TSC22D3: variants seen among roughly 807,000 people sequenced by gnomAD.
TSC22D3 encodes TSC22 domain family protein 3.
TSC22D3 carries 4 observed loss-of-function variants against 11.1 expected under a neutral mutation model. The observed-to-expected ratio is 0.36, with a 90% CI of 0.18 to 0.83. The LOEUF (loss-of-function observed/expected upper bound fraction) is 0.83, where lower values mean the gene tolerates loss of function less well. Ranked by LOEUF, TSC22D3 falls within the 40% of genes least tolerant of loss-of-function variation. The probability of loss-of-function intolerance (pLI) is 0.48; values close to 1 mark genes in which losing one functional copy is unlikely to be tolerated. For missense variants in TSC22D3, 118 were observed against 159.4 expected (o/e 0.74, Z 1.40); for synonymous variants, 77 against 70.3 (o/e 1.10, Z -0.48).
intron 1 of TSC22D3, among the ~76,000 whole-genome samples, chrX:107,757,155 G>C (rs1009676134): frequency 8.9e-6 from 1 of 112,742 alleles, no homozygotes; most frequent in Middle Eastern, 4.2e-3. Flanking sequence ...GATTGCCTTC[G>C]AGCTGAGGCA....
intron 1 of TSC22D3, among the ~76,000 whole-genome samples, chrX:107,719,356 C>T (rs1456842927): frequency 1.8e-5 from 2 of 112,269 alleles, no homozygotes; most frequent in Admixed American, 9.4e-5. Context: ...CACCTGATCT[C>T]GTCTGAGTTG....
intron 1 of TSC22D3, chrX:107,716,227 T>G: frequency 1.1e-6 from 1 of 876,503 alleles, no homozygotes. Context: ...CAGGCCACCG[T>G]GGCCTGCTCG....
At chrX:107,774,891 C>A in intron 1 of TSC22D3, 1 of 448,700 alleles carries the variant, frequency 2.2e-6, no homozygotes, top group East Asian at 3.8e-5. Context: ...CCTTTGCAGG[C>A]AGCTTTCAGA....
intron 1 of TSC22D3, among the ~76,000 whole-genome samples, chrX:107,734,182 T>G (rs1269135403): frequency 8.9e-6 from 1 of 112,013 alleles, no homozygotes; most frequent in African/African-American, 3.2e-5. Flanking sequence ...AACCTGGGCT[T>G]CCCTTCCCAG....
intron 1 of TSC22D3, among the ~76,000 whole-genome samples, chrX:107,736,995 T>C (rs1928169780): frequency 8.9e-6 from 1 of 112,138 alleles, no homozygotes; most frequent in African/African-American, 3.2e-5. Flanking sequence ...TTAACTGTCC[T>C]CTCAATGGAA....
intron 1 of TSC22D3, among the ~76,000 whole-genome samples, chrX:107,759,885 G>C (rs1413968952): frequency 8.9e-6 from 1 of 112,754 alleles, no homozygotes; most frequent in Non-Finnish European, 1.9e-5. Context: ...GGGCCAGCCT[G>C]GGCTGGCTCG....
At chrX:107,744,505 TA>T (rs1325581672) in intron 1 of TSC22D3, among the ~76,000 whole-genome samples, 1 of 111,315 alleles carries the variant, frequency 9.0e-6, no homozygotes, top group Non-Finnish European at 1.9e-5. Flanking sequence ...AATTTAAATT[TA>T]AATTAAAAAA....
intron 1 of TSC22D3, among the ~76,000 whole-genome samples, chrX:107,723,888 C>G (rs927382398): frequency 3.2e-4 from 36 of 112,404 alleles, no homozygotes; most frequent in Admixed American, 2.3e-3. Flanking sequence ...AGGGCAGGAG[C>G]ACCTGCCTCC....
intron 1 of TSC22D3, among the ~76,000 whole-genome samples, chrX:107,765,964 C>G (rs189395362): frequency 8.9e-6 from 1 of 111,911 alleles, no homozygotes; most frequent in African/African-American, 3.3e-5. Context: ...CTGGTAATTC[C>G]CACACCACCT....
chrX:107,724,957 C>G (rs1180612742), intron 1 of TSC22D3, among the ~76,000 whole-genome samples: 1 of 111,834 alleles, frequency 8.9e-6, no homozygotes, highest in African/African-American at 3.3e-5. Context: ...TAACTAGAGC[C>G]AGTCCTGGCA....
chrX:107,765,186 C>T (rs1025721145), intron 1 of TSC22D3, among the ~76,000 whole-genome samples: 1 of 112,193 alleles, frequency 8.9e-6, no homozygotes, highest in Non-Finnish European at 1.9e-5. Flanking sequence ...CCAAAGCCAA[C>T]CCATTCTTTC....
At chrX:107,724,401 GGAA>G (rs1927505611) in intron 1 of TSC22D3, among the ~76,000 whole-genome samples, 1 of 113,231 alleles carries the variant, frequency 8.8e-6, no homozygotes, top group African/African-American at 3.2e-5. Flanking sequence ...TCACTGACAA[GGAA>G]TACACACAAC....
At chrX:107,716,132 C>T (rs951154054) in intron 1 of TSC22D3, 182 bp from the exon 2 acceptor site, 212 of 617,924 alleles carry the variant, frequency 3.4e-4, no homozygotes, top group Non-Finnish European at 4.8e-4. Flanking sequence ...CAGGAAGCTG[C>T]ATCTCCTCAT....
intron 1 of TSC22D3, among the ~76,000 whole-genome samples, chrX:107,753,202 T>C (rs1168330352): frequency 9.0e-6 from 1 of 110,827 alleles, no homozygotes; most frequent in Non-Finnish European, 1.9e-5. Context: ...TCTTAAGTGC[T>C]TGCTGAGCCA....
chrX:107,773,594 A>AT (rs1190730557), intron 1 of TSC22D3, among the ~76,000 whole-genome samples: 1 of 112,273 alleles, frequency 8.9e-6, no homozygotes, highest in Non-Finnish European at 1.9e-5. Flanking sequence ...TTATTTTATT[A>AT]TTTTTAAAAA....
At chrX:107,733,325 G>A (rs1211612472) in intron 1 of TSC22D3, among the ~76,000 whole-genome samples, 1 of 111,589 alleles carries the variant, frequency 9.0e-6, no homozygotes, top group Non-Finnish European at 1.9e-5. Flanking sequence ...CAAGACCCTG[G>A]ACAAATATTA....
intron 1 of TSC22D3, chrX:107,716,520 C>T (rs892724681): frequency 9.8e-7 from 1 of 1,020,416 alleles, no homozygotes; most frequent in Non-Finnish European, 1.2e-6. Flanking sequence ...GATCCCAGAG[C>T]GGCGGTGACC....
chrX:107,748,126 A>G (rs1186722970), intron 1 of TSC22D3, among the ~76,000 whole-genome samples: 1 of 111,723 alleles, frequency 9.0e-6, no homozygotes, highest in African/African-American at 3.3e-5. Context: ...ATGCACATAC[A>G]TGGAGGGAGC....
intron 1 of TSC22D3, among the ~76,000 whole-genome samples, chrX:107,766,178 T>C (rs1460745603): frequency 1.8e-5 from 2 of 111,943 alleles, no homozygotes; most frequent in African/African-American, 6.5e-5. Context: ...GGGTATTCTG[T>C]GCTGTAGATA....
Sources: allele counts gnomAD v4.1 joint callset (sites outside exome capture counted in the v4.1 genomes callset), GRCh38; gene constraint gnomAD v4.1.1; transcripts MANE v1.5; gene names NCBI Gene and HGNC (gene_info 2026-07-23, HGNC 2026-07-21).